Variants in SNAPC4 observed in about 807,000 individuals in gnomAD.
SNAPC4 encodes small nuclear RNA activating complex polypeptide 4, also known as snRNA-activating protein complex subunit 4.
A neutral mutation model predicts 151.3 loss-of-function variants in SNAPC4; 127 were observed. The ratio of observed to expected loss-of-function variants is 0.84; its 90% CI spans 0.73 to 0.97. SNAPC4 has a LOEUF of 0.97. SNAPC4 is among the 50% of genes least tolerant of loss of function. The pLI, the probability that SNAPC4 is intolerant of heterozygous loss-of-function variation, is 0.00. For missense variants in SNAPC4, 2,186 were observed against 1,935.0 expected (o/e 1.13, Z -2.43); for synonymous variants, 1,002 against 824.4 (o/e 1.22, Z -3.69).
chr9:136,388,848 A>C (rs981526519), intron 10 of SNAPC4, among the ~76,000 whole-genome samples: 1 of 152,268 alleles, frequency 6.6e-6, no homozygotes, highest in Admixed American at 6.5e-5. Context: ...AATATTAAGA[A>C]AAATTCACAA....
At chr9:136,396,083 T>C (rs1288859314) in intron 3 of SNAPC4, among the ~76,000 whole-genome samples, 1 of 152,230 alleles carries the variant, frequency 6.6e-6, no homozygotes, top group Non-Finnish European at 1.5e-5. Flanking sequence ...ACAGGCGTCC[T>C]GTGAACCCTG....
chr9:136,395,719 T>G lies in SNAPC4; in HGVS notation c.229A>C (p.Lys77Gln). The change falls in exon 4 of 24, where the codon AAA (lysine) becomes CAA (glutamine). Residue 77 changes from lysine (K) to glutamine (Q), a missense_variant. Lys to Gln is a moderately conservative substitution (Grantham distance 53). Transcript: ENST00000684778. ...ASNDEDDPKD[K>Q]TLPEDPETCL... Reference sequence around the variant, plus strand: ...GTTTCTGGGTCTTCAGGGAGGGTTTTATCCTTGGGATCGTCCTCGTCATTG... The same window carrying G: ...GTTTCTGGGTCTTCAGGGAGGGTTTGATCCTTGGGATCGTCCTCGTCATTG... 1 of 1,613,606 alleles carries G rather than the reference T, an allele frequency of 6.2e-7. No homozygotes were observed. Among genetic ancestry groups the G allele is most frequent in the Non-Finnish European group, 8.5e-7 (1 of 1,179,990 alleles).
At position 136,383,576 on chromosome 9, in the gene SNAPC4, A is replaced by G. The variant is rs1833784813; in HGVS notation, c.1593T>C (p.Ser531=). The part of the protein sequence containing the change: ...TSSSGSSSGS[S]GGSSSSSSSS... The stretch of plus-strand genomic sequence containing the variant: ...TGCTGCTGCTGCTGCTGCTCCCTCC[A>G]CTGCTGCCACTGCTGCTGCCGCTGC... The change falls in exon 16 of 24, where the codon AGT becomes AGC. Residue 531 remains serine (S), a synonymous_variant. Transcript: ENST00000684778. This position sits in a 1 kb window ranked among gnomAD's most constrained non-coding sequence, Gnocchi z 4.2. 2 of 1,604,872 alleles carry G rather than the reference A, an allele frequency of 1.2e-6. No individual in the cohort carries two copies.
rs764351179 is a variant in SNAPC4 at position 136,377,643 on chromosome 9, C to CTCGA, written c.4180_4183dup (p.Arg1395IlefsTer6). 5 of 1,591,746 alleles carry CTCGA rather than the reference C, an allele frequency of 3.1e-6. No homozygotes were observed. In the African/African-American group the frequency reaches 6.7e-5, roughly 21 times the overall value. On this transcript the variant is annotated frameshift_variant, in exon 22 of 24. Coordinates refer to ENST00000684778, the MANE Select transcript of SNAPC4 (RefSeq NM_003086.4). LOFTEE classifies it high-confidence loss of function. ...TTCATCCTCACTCTCAGAGCCCACCCTCGAAGGTACTGAGAGGGTGGTGCG... is the reference window on the plus strand; with the variant it reads ...TTCATCCTCACTCTCAGAGCCCACCCTCGATCGAAGGTACTGAGAGGGTGGTGCG...
Position 136,383,284 on chromosome 9 carries a change from G to T in SNAPC4, c.1885C>A (p.Gln629Lys), listed in dbSNP as rs1298961165. 2 of 1,612,112 alleles carry T rather than the reference G, an allele frequency of 1.2e-6. No homozygotes were observed. Among genetic ancestry groups the T allele is most frequent in the Non-Finnish European group, 1.7e-6 (2 of 1,179,736 alleles). The part of the protein sequence containing the change: ...AAPGEETSPV[Q>K]VPARAHGPVP... ...GGGCCGTGGGCCCTGGCAGGGACCT[G>T]CACCGGACTCGTCTCCTCTCCAGGA... The change falls in exon 16 of 24, where the codon CAG (glutamine) becomes AAG (lysine). Residue 629 changes from glutamine (Q) to lysine (K), a missense_variant. Coordinates refer to ENST00000684778, the MANE Select transcript of SNAPC4 (RefSeq NM_003086.4). This position sits in a 1 kb window ranked among gnomAD's most constrained non-coding sequence, Gnocchi z 4.2.
At position 136,378,000 on chromosome 9, in the gene SNAPC4, T is replaced by C; in HGVS notation, c.3827A>G (p.Gln1276Arg). ...KGALDLGLLS[Q>R]EGEAATQQWL... is the part of the protein sequence containing the mutation. Reference sequence around the variant, plus strand: ...CTGCTGTGTGGCCGCCTCGCCCTCCTGGGACAGCAGGCCCAGGTCCAGGGC... The same window carrying C: ...CTGCTGTGTGGCCGCCTCGCCCTCCCGGGACAGCAGGCCCAGGTCCAGGGC... Residue 1276 changes from glutamine (Q) to arginine (R), a missense_variant, in exon 22 of 24, where the codon CAG (glutamine) becomes CGG (arginine). Coordinates refer to ENST00000684778, the MANE Select transcript of SNAPC4 (RefSeq NM_003086.4). The C allele has an allele frequency of 6.2e-7, 1 of 1,601,522 alleles. No homozygotes were observed. Among genetic ancestry groups the C allele is most frequent in the African/African-American group, 1.3e-5 (1 of 74,732 alleles).
At chr9:136,387,981 C>G in intron 11 of SNAPC4, 133 bp from the exon 12 acceptor site, 1 of 648,026 alleles carries the variant, frequency 1.5e-6, no homozygotes, top group Non-Finnish European at 2.8e-6. Flanking sequence ...AAAAGAATCA[C>G]TTTGGCCAGG....
intron 22 of SNAPC4, among the ~76,000 whole-genome samples, chr9:136,377,018 G>A (rs1042954828): frequency 4.6e-5 from 7 of 152,164 alleles, no homozygotes; most frequent in African/African-American, 1.7e-4. Context: ...CCTCTCTGGG[G>A]GCCCCAGCTC....
chr9:136,383,256 A>G lies in SNAPC4; in HGVS notation c.1913T>C (p.Val638Ala), dbSNP rs753692872. 1.2e-6 allele frequency: 2 copies of G among 1,607,636 alleles called. No homozygotes were observed. The highest frequency in any genetic ancestry group is 2.2e-5 in the East Asian group (1 of 44,778). ...GTGGGAGGCCTGGGCAGACCTCGGG[A>G]CAGGGCCGTGGGCCCTGGCAGGGAC... is the stretch of plus-strand genomic sequence containing the variant. ...VQVPARAHGPVPRSAQASHSA... is the reference protein window; with the variant it reads ...VQVPARAHGPAPRSAQASHSA... Residue 638 changes from valine to alanine, a missense_variant, in exon 16 of 24, where the codon GTC becomes GCC. Val to Ala is a moderately conservative substitution (Grantham distance 64). Coordinates refer to ENST00000684778, the MANE Select transcript of SNAPC4 (RefSeq NM_003086.4). The surrounding 1 kb of genome is among the most constrained non-coding windows in gnomAD (Gnocchi z 4.2).
Position 136,380,855 on chromosome 9 carries a change from G to T in SNAPC4, c.2389-5C>A. 2 of 1,555,774 alleles carry T rather than the reference G, an allele frequency of 1.3e-6. No individual in the cohort carries two copies. The highest frequency in any genetic ancestry group is 8.9e-7 in the Non-Finnish European group (1 of 1,127,724). The stretch of plus-strand genomic sequence containing the variant: ...GGCAGTATCGATGTGGAACAGCTGC[G>T]GGACACAGGAGGCAACCTAACCATA... On this transcript the variant is annotated splice_region_variant and splice_polypyrimidine_tract_variant and intron_variant, in intron 19 of 23. Transcript: ENST00000684778.
rs1057496512 is a variant in SNAPC4, at chr9:136,380,835, T to C, written c.2404A>G (p.Thr802Ala). ...TLFTQLFHID[T>A]AGCLEVVRER... ...CGGACGACCTCCAAGCAGCCGGCAG[T>C]ATCGATGTGGAACAGCTGCGGGACA... is the stretch of plus-strand genomic sequence containing the variant. The change falls in exon 20 of 24, where the codon ACT (threonine) becomes GCT (alanine). Residue 802 changes from threonine to alanine, a missense_variant. Thr to Ala is a moderately conservative substitution (Grantham distance 58). Coordinates refer to ENST00000684778, the MANE Select transcript of SNAPC4 (RefSeq NM_003086.4). 2 of 1,606,646 alleles carry C rather than the reference T, an allele frequency of 1.2e-6. No homozygotes were observed. Among genetic ancestry groups the C allele is most frequent in the Admixed American group, 1.7e-5 (1 of 59,970 alleles).
At chr9:136,381,249 C>G (rs879155023) in intron 19 of SNAPC4, 73 bp downstream of exon 19, 2 of 1,166,526 alleles carry the variant, frequency 1.7e-6, no homozygotes, top group Non-Finnish European at 2.6e-6. Context: ...AATGAATCTA[C>G]TGCAGATTTC....
Position 136,381,979 on chromosome 9 carries a change from T to G in SNAPC4, c.2162A>C (p.His721Pro), listed in dbSNP as rs1356120298. The G allele has an allele frequency of 6.2e-7, 1 of 1,611,356 alleles. No homozygotes were observed. The highest frequency in any genetic ancestry group is 8.5e-7 in the Non-Finnish European group (1 of 1,179,746). Residue 721 changes from histidine (H) to proline (P), a missense_variant, in exon 18 of 24, where the codon CAC (histidine) becomes CCC (proline). Coordinates refer to ENST00000684778, the MANE Select transcript of SNAPC4 (RefSeq NM_003086.4). Reference protein sequence around the residue: ...VARSHVQWLRHRATQSGQRRW... With the variant: ...VARSHVQWLRPRATQSGQRRW... ...CCGCTGCCCACTCTGGGTGGCTCTG[T>G]GCCGTAGCCACTGCACATGGGATCG...
At chr9:136,388,342 G>A (rs1471316725) in intron 11 of SNAPC4, 102 bp downstream of exon 11, 15 of 1,226,226 alleles carry the variant, frequency 1.2e-5, no homozygotes, top group Admixed American at 1.1e-4. Flanking sequence ...CTAAGCCCTC[G>A]TCTGTCTTGT....
rs76247268 is a variant in SNAPC4, at chr9:136,378,206, T to C, written c.3621A>G (p.Pro1207=). Residue 1207 remains proline (P), a synonymous_variant, in exon 22 of 24, where the codon CCA becomes CCG. Coordinates refer to ENST00000684778, the MANE Select transcript of SNAPC4 (RefSeq NM_003086.4). ...TTGCTGGGATGACACCACCGAAGGC[T>C]GGCAGCCTCCCGGACCAAGGGGGTT... The part of the protein sequence containing the change: ...EAEPPWSGRL[P]AFGGVIPATE... 6.0e-5 allele frequency: 97 copies of C among 1,612,142 alleles called. 1 individual carries two copies. The East Asian group carries it at 2.1e-3, about 35-fold the overall frequency.
In SNAPC4 at chr9:136,398,387, G is replaced by T; in HGVS notation, c.42C>A (p.Ile14=). Residue 14 remains isoleucine (I), a synonymous_variant, in exon 2 of 24, where the codon ATC becomes ATA. Coordinates refer to ENST00000684778, the MANE Select transcript of SNAPC4 (RefSeq NM_003086.4). Reference sequence around the variant, plus strand: ...GATCCAAAATCCTTTCCAGCTCCTTGATCTCCTGTGTTATCTTCTCTCTTT... The same window carrying T: ...GATCCAAAATCCTTTCCAGCTCCTTTATCTCCTGTGTTATCTTCTCTCTTT... The part of the protein sequence containing the change: ...DAEREKITQE[I]KELERILDPG... 2 of 1,613,974 alleles carry T rather than the reference G, an allele frequency of 1.2e-6. No homozygotes were observed. Among genetic ancestry groups the T allele is most frequent in the Non-Finnish European group, 1.7e-6 (2 of 1,179,898 alleles).
Position 136,378,644 on chromosome 9 carries a change from C to A in SNAPC4, c.3183G>T (p.Thr1061=). 6.5e-7 allele frequency: 1 copy of A among 1,532,028 alleles called. No homozygotes were observed. Among genetic ancestry groups the A allele is most frequent in the Admixed American group, 2.1e-5 (1 of 48,294 alleles). The allele number at this position is 1,532,028 out of a possible 1,614,324, so 94.9% of individuals were successfully genotyped here. A position where few individuals can be genotyped will look rare whatever the true frequency, so the allele number is the denominator to read the frequency against. Residue 1061 remains threonine (T), a synonymous_variant, in exon 22 of 24, where the codon ACG becomes ACT. Transcript: ENST00000684778. ...TCGCCACATGTGGCCCTCCTATGTGCGTCAGGCTGAGGGGCTGGACGGGCA... is the reference window on the plus strand; with the variant it reads ...TCGCCACATGTGGCCCTCCTATGTGAGTCAGGCTGAGGGGCTGGACGGGCA... ...TPLPVQPLSL[T]HIGGPHVATS... is the part of the protein sequence containing the mutation.
rs559004204 is a variant in SNAPC4, at chr9:136,382,181, G to A, written c.2067+72C>T. On this transcript the variant is annotated intron_variant, in intron 17 of 23. Transcript: ENST00000684778. Reference sequence around the variant, plus strand: ...CCACCCCCATCAGGGCATGATCGACGGGGAGAGGAATCACTCAGACCAGGG... The same window carrying A: ...CCACCCCCATCAGGGCATGATCGACAGGGAGAGGAATCACTCAGACCAGGG... 699 of 1,594,114 alleles carry A rather than the reference G, an allele frequency of 4.4e-4. 1 individual carries two copies. The highest frequency in any genetic ancestry group is 9.1e-4 in the Admixed American group (54 of 59,198).
chr9:136,396,981 A>C lies in SNAPC4; in HGVS notation c.173T>G (p.Ile58Ser). 1 of 1,612,904 alleles carries C rather than the reference A, an allele frequency of 6.2e-7. No homozygotes were observed. The highest frequency in any genetic ancestry group is 2.2e-5 in the East Asian group (1 of 44,890). Residue 58 changes from isoleucine (I) to serine (S), a missense_variant, in exon 3 of 24, where the codon ATC becomes AGC. Ile to Ser is a moderately radical substitution (Grantham distance 142, BLOSUM62 -2). Coordinates refer to ENST00000684778, the MANE Select transcript of SNAPC4 (RefSeq NM_003086.4). ...CCAGATCAGGCCAACAGTTACCGAG[A>C]TCGGGGGATCGGCAGGATCCAAGTC... Reference protein sequence around the residue: ...SEDLDPADPPISEEERWGEAS... With the variant: ...SEDLDPADPPSSEEERWGEAS...
Sources: allele counts gnomAD v4.1 joint callset (sites outside exome capture counted in the v4.1 genomes callset), GRCh38; gene constraint gnomAD v4.1.1; non-coding constraint Gnocchi (gnomAD v3.1); transcripts MANE v1.5; gene names NCBI Gene and HGNC (gene_info 2026-07-23, HGNC 2026-07-21).